LHFPL3: variants seen among roughly 807,000 people sequenced by gnomAD.
LHFPL3 encodes LHFPL tetraspan subfamily member 3.
In LHFPL3, 5 loss-of-function variants were observed where a neutral mutation model predicts 19.3. The ratio of observed to expected loss-of-function variants is 0.26; its 90% CI spans 0.14 to 0.54. The LOEUF is 0.54. LHFPL3 is among the 20% of genes least tolerant of loss of function. The pLI, the probability that LHFPL3 is intolerant of heterozygous loss-of-function variation, is 0.94. For synonymous variants in LHFPL3, 133 were observed against 126.2 expected, an observed-to-expected ratio of 1.05 and a Z score of -0.36; for missense variants, 249 against 307.4, an observed-to-expected ratio of 0.81 and a Z score of 1.42.
intron 1 of LHFPL3, among the ~76,000 whole-genome samples, chr7:104,390,848 GT>G (rs1162934761): frequency 5.3e-5 from 8 of 152,136 alleles, no homozygotes; most frequent in Non-Finnish European, 2.9e-5. Context: ...AGCACTTGTT[GT>G]TTCCTGACTT....
chr7:104,797,463 G>T (rs996780941), intron 2 of LHFPL3, among the ~76,000 whole-genome samples: 14 of 152,274 alleles, frequency 9.2e-5, no homozygotes, highest in African/African-American at 2.9e-4. Flanking sequence ...GAGCAGCTCA[G>T]GTGGTAGCTG....
At chr7:104,525,779 G>C (rs192379686) in intron 1 of LHFPL3, among the ~76,000 whole-genome samples, 1 of 152,114 alleles carries the variant, frequency 6.6e-6, no homozygotes, top group East Asian at 1.9e-4. Context: ...GCTAATTTTT[G>C]TATTTTTAGT....
Position 104,589,590 on chromosome 7 carries a change from C to G in LHFPL3, c.446-147085C>G, listed in dbSNP as rs533703336. ...AAAATTCTCTTTTTTTGTTGTGTCT[C>G]TGCCGGGCTTTGATATCAGGATGAT... On this transcript the variant is annotated intron_variant, in intron 1 of 2. Transcript: ENST00000424859. 2.6e-5 allele frequency among the ~76,000 whole-genome samples: 4 copies of G among 152,180 alleles called. No homozygotes were observed. The South Asian group carries it at 8.3e-4, about 32-fold the overall frequency.
chr7:104,866,144 A>G (rs1013327587), intron 2 of LHFPL3, among the ~76,000 whole-genome samples: 5 of 152,200 alleles, frequency 3.3e-5, no homozygotes, highest in Non-Finnish European at 1.5e-5. Context: ...AAGACCATCA[A>G]TGCTAGGAAG....
intron 2 of LHFPL3, among the ~76,000 whole-genome samples, chr7:104,829,480 A>G (rs562264505): frequency 1.3e-5 from 2 of 150,794 alleles, no homozygotes; most frequent in African/African-American, 2.5e-5. Context: ...TCCCTCCCCC[A>G]TCCCCCTACC....
chr7:104,532,300 T>TTTTCTTTTTC (rs1213019603), intron 1 of LHFPL3, among the ~76,000 whole-genome samples: 5 of 145,952 alleles, frequency 3.4e-5, no homozygotes, highest in Non-Finnish European at 7.4e-5. Flanking sequence ...TTTTTTCTTT[T>TTTTCTTTTTC]TTTCTTTTTC....
At chr7:104,626,375 A>G (rs1045384886) in intron 1 of LHFPL3, among the ~76,000 whole-genome samples, 2 of 152,214 alleles carry the variant, frequency 1.3e-5, no homozygotes, top group African/African-American at 4.8e-5. Flanking sequence ...TCAAATAGGA[A>G]TCTACAAATA....
intron 1 of LHFPL3, among the ~76,000 whole-genome samples, chr7:104,548,027 C>A (rs1258842372): frequency 1.3e-5 from 2 of 152,040 alleles, no homozygotes; most frequent in African/African-American, 4.8e-5. Context: ...TGCATCTAGG[C>A]AAATATGACA....
rs556471301 is a variant in LHFPL3 at position 104,652,961 on chromosome 7, T to G, written c.446-83714T>G. On this transcript the variant is annotated intron_variant, in intron 1 of 2. Transcript: ENST00000424859. The stretch of plus-strand genomic sequence containing the variant: ...CATTGTGATTGGCCATCTCAGCTTG[T>G]TAACTGGTGCTTATGTAGTTAGGCT... Among the ~76,000 whole-genome samples the G allele has an allele frequency of 1.6e-4, 24 of 152,252 alleles. No individual in the cohort carries two copies. In the South Asian group the frequency reaches 4.8e-3, roughly 30 times the overall value.
At chr7:104,666,927 CT>C (rs1009044450) in intron 1 of LHFPL3, among the ~76,000 whole-genome samples, 18 of 152,144 alleles carry the variant, frequency 1.2e-4, no homozygotes, top group African/African-American at 3.9e-4. Flanking sequence ...CACATATCTG[CT>C]GTTGTGAACA....
intron 1 of LHFPL3, among the ~76,000 whole-genome samples, chr7:104,482,906 TG>T (rs1344068481): frequency 1.3e-5 from 2 of 152,230 alleles, no homozygotes; most frequent in African/African-American, 4.8e-5. Context: ...AGTCTCCATG[TG>T]GGTTTTTGTT....
At chr7:104,408,390 C>T (rs950249938) in intron 1 of LHFPL3, among the ~76,000 whole-genome samples, 1 of 150,190 alleles carries the variant, frequency 6.7e-6, no homozygotes, top group Non-Finnish European at 1.5e-5. Flanking sequence ...ATCCAACTTT[C>T]ACATATGAAT....
At chr7:104,499,814 A>G (rs1376607636) in intron 1 of LHFPL3, among the ~76,000 whole-genome samples, 1 of 152,212 alleles carries the variant, frequency 6.6e-6, no homozygotes, top group Middle Eastern at 3.2e-3. Flanking sequence ...ACTATATAGA[A>G]CTTGGTAATT....
At chr7:104,897,349 C>G (rs1792386980) in intron 2 of LHFPL3, among the ~76,000 whole-genome samples, 1 of 152,128 alleles carries the variant, frequency 6.6e-6, no homozygotes, top group Non-Finnish European at 1.5e-5. Context: ...GCCTTCTGGA[C>G]TCTGCAGTCC....
chr7:104,423,267 A>G (rs1315604694), intron 1 of LHFPL3, among the ~76,000 whole-genome samples: 1 of 152,150 alleles, frequency 6.6e-6, no homozygotes, highest in Non-Finnish European at 1.5e-5. Flanking sequence ...TTGGGCTGCT[A>G]TGGAAGTACA....
chr7:104,882,104 A>G (rs1008815330), intron 2 of LHFPL3, among the ~76,000 whole-genome samples: 2 of 152,198 alleles, frequency 1.3e-5, no homozygotes, highest in African/African-American at 2.4e-5. Flanking sequence ...CAAGGTATGC[A>G]TTTATATATC....
chr7:104,342,949 A>G (rs1422488636), intron 1 of LHFPL3, among the ~76,000 whole-genome samples: 1 of 150,710 alleles, frequency 6.6e-6, no homozygotes, highest in Non-Finnish European at 1.5e-5. Context: ...ATGAGTTTGC[A>G]TTTCATAAGG....
chr7:104,739,575 T>G (rs531480739), intron 2 of LHFPL3, among the ~76,000 whole-genome samples: 67 of 152,314 alleles, frequency 4.4e-4, no homozygotes, highest in African/African-American at 1.6e-3. Flanking sequence ...TTTCACCTAT[T>G]AAGACTTTTT....
At chr7:104,630,591 GAGAC>G (rs1334565915) in intron 1 of LHFPL3, among the ~76,000 whole-genome samples, 1 of 152,166 alleles carries the variant, frequency 6.6e-6, no homozygotes, top group Non-Finnish European at 1.5e-5. Flanking sequence ...TCCAAGGCAG[GAGAC>G]AGCTCCATTG....
Sources: allele counts gnomAD v4.1 joint callset (sites outside exome capture counted in the v4.1 genomes callset), GRCh38; gene constraint gnomAD v4.1.1; transcripts MANE v1.5; gene names NCBI Gene and HGNC (gene_info 2026-07-23, HGNC 2026-07-21).